ITIH6: variants seen among roughly 807,000 people sequenced by gnomAD.
ITIH6 encodes the protein inter-alpha-trypsin inhibitor heavy chain family member 6.
A neutral mutation model predicts 58.2 loss-of-function variants in ITIH6; 60 were observed. That is an observed-to-expected ratio of 1.03 (90% CI 0.84 to 1.28). The LOEUF (loss-of-function observed/expected upper bound fraction) is 1.28. Among genes scored for constraint, ITIH6 ranks in the 50% most tolerant of loss-of-function variants. ITIH6 has a pLI of 0.00. For synonymous variants in ITIH6, 493 were observed against 417.4 expected (o/e 1.18, Z -2.21); for missense variants, 1,290 against 1,021.1 (o/e 1.26, Z -3.59).
chrX:54,760,892 A>C (rs967237384), intron 6 of ITIH6, among the ~76,000 whole-genome samples: 6 of 111,857 alleles, frequency 5.4e-5, no homozygotes, highest in Non-Finnish European at 1.1e-4. Context: ...GTGCCACAAT[A>C]AACATACGTG....
Position 54,788,648 on chromosome X carries a change from AC to A in ITIH6, c.617del (p.Ser206MetfsTer85). The A allele has an allele frequency of 8.3e-7, 1 of 1,202,055 alleles. No homozygotes were observed. The highest frequency in any genetic ancestry group is 1.1e-6 in the Non-Finnish European group (1 of 887,495). On this transcript the variant is annotated frameshift_variant and splice_region_variant, in exon 5 of 13. Transcript: ENST00000218436. LOFTEE classifies it high-confidence loss of function. The part of the protein sequence containing the change: ...TGRLRTNAHA[S>X]EVDSPPSTRI... The stretch of plus-strand genomic sequence containing the variant: ...TGGTGGATGGGGGTGAATCCACCTC[AC>A]CTGTATGGGTGGGGAGGATCGGGGC...
intron 6 of ITIH6, among the ~76,000 whole-genome samples, chrX:54,761,908 C>A (rs1379075586): frequency 2.7e-5 from 3 of 111,716 alleles, no homozygotes; most frequent in Non-Finnish European, 5.6e-5. Context: ...TTAAGACTGA[C>A]TTGGCAATGT....
chrX:54,760,659 T>C (rs1928618241), intron 6 of ITIH6, among the ~76,000 whole-genome samples: 1 of 111,298 alleles, frequency 9.0e-6, no homozygotes. Flanking sequence ...CATTGTTCAA[T>C]TCCCACCTAT....
At position 54,758,692 on chromosome X, in the gene ITIH6, T is replaced by A; in HGVS notation, c.1382A>T (p.Gln461Leu). 1 of 1,211,526 alleles carries A rather than the reference T, an allele frequency of 8.3e-7. No homozygotes were observed. The highest frequency in any genetic ancestry group is 1.1e-6 in the Non-Finnish European group (1 of 895,386). The change falls in exon 8 of 13, where the codon CAG becomes CTG. Residue 461 changes from glutamine (Q) to leucine (L), a missense_variant. Physicochemically the swap from Gln to Leu is moderately radical, Grantham distance 113 (BLOSUM62 -2). Coordinates refer to ENST00000218436, the MANE Select transcript of ITIH6 (RefSeq NM_198510.3). ...GATCTCCTCATAGAGGCCCTTCAGCTGTAGGGCCGCATCAGTGTCCTCATA... is the reference window on the plus strand; with the variant it reads ...GATCTCCTCATAGAGGCCCTTCAGCAGTAGGGCCGCATCAGTGTCCTCATA... ...RIYEDTDAAL[Q>L]LKGLYEEISM...
chrX:54,791,768 A>T (rs1472462125), intron 3 of ITIH6, among the ~76,000 whole-genome samples, 158 bp downstream of exon 3: 2 of 112,117 alleles, frequency 1.8e-5, no homozygotes, highest in Non-Finnish European at 3.8e-5. Flanking sequence ...ACAGGCTTTG[A>T]TATTCATTAA....
chrX:54,766,108 A>G (rs958837091), intron 6 of ITIH6, among the ~76,000 whole-genome samples: 10 of 110,644 alleles, frequency 9.0e-5, no homozygotes, highest in Non-Finnish European at 1.9e-4. Flanking sequence ...GGTCCTTCAC[A>G]TCCCTTGTAA....
At chrX:54,782,994 C>G (rs1249969869) in intron 5 of ITIH6, among the ~76,000 whole-genome samples, 1 of 112,050 alleles carries the variant, frequency 8.9e-6, no homozygotes, top group Admixed American at 9.4e-5. Flanking sequence ...ATCATTATGA[C>G]CAAGTGGGAT....
At chrX:54,771,718 C>T (rs1337608222) in intron 6 of ITIH6, among the ~76,000 whole-genome samples, 2 of 111,253 alleles carry the variant, frequency 1.8e-5, no homozygotes, top group African/African-American at 6.6e-5. Flanking sequence ...TACATGTAGA[C>T]AACAAGCATA....
At chrX:54,769,974 C>T (rs1255741593) in intron 6 of ITIH6, among the ~76,000 whole-genome samples, 1 of 110,014 alleles carries the variant, frequency 9.1e-6, no homozygotes, top group Non-Finnish European at 1.9e-5. Flanking sequence ...GCCCCTCCCC[C>T]AGCCTTGCTG....
intron 2 of ITIH6, among the ~76,000 whole-genome samples, chrX:54,792,319 C>T (rs1929364988): frequency 9.0e-6 from 1 of 111,613 alleles, no homozygotes; most frequent in African/African-American, 3.3e-5. Flanking sequence ...CTTGTGTTTC[C>T]CAAAGTGTTG....
At chrX:54,774,428 G>A (rs1857824459) in intron 5 of ITIH6, among the ~76,000 whole-genome samples, 1 of 113,011 alleles carries the variant, frequency 8.8e-6, no homozygotes, top group South Asian at 3.6e-4. Flanking sequence ...AGCTGTGGAG[G>A]GAATGAGACT....
At chrX:54,784,843 G>A (rs766177507) in intron 5 of ITIH6, among the ~76,000 whole-genome samples, 4 of 111,734 alleles carry the variant, frequency 3.6e-5, no homozygotes, top group Middle Eastern at 4.6e-3. Flanking sequence ...CCACTTCTGG[G>A]TATATACCCC....
intron 5 of ITIH6, among the ~76,000 whole-genome samples, chrX:54,786,184 C>A (rs1929240509): frequency 8.9e-6 from 1 of 112,160 alleles, no homozygotes; most frequent in African/African-American, 3.2e-5. Flanking sequence ...GTGTTGCCTT[C>A]AATCCTCGGG....
chrX:54,792,565 T>C (rs1007165205), intron 2 of ITIH6, among the ~76,000 whole-genome samples: 1 of 111,114 alleles, frequency 9.0e-6, no homozygotes, highest in Admixed American at 9.6e-5. Context: ...TAAAAATATA[T>C]TAAGTAAATA....
intron 6 of ITIH6, among the ~76,000 whole-genome samples, chrX:54,761,130 T>C (rs1410635818): frequency 2.0e-4 from 22 of 112,117 alleles, no homozygotes; most frequent in African/African-American, 4.9e-4. Flanking sequence ...GATTGCCATT[T>C]TAACTGGTGT....
chrX:54,791,965 G>C lies in ITIH6; in HGVS notation c.329C>G (p.Ala110Gly). 1.7e-6 allele frequency: 2 copies of C among 1,203,543 alleles called. No individual in the cohort carries two copies. The highest frequency in any genetic ancestry group is 3.5e-5 in the South Asian group (2 of 56,766). ...KHQAKKIYEE[A>G]HQQGKTAAHV... ...AGCAGCTGTCTTTCCCTGCTGATGG[G>C]CTTCTTCATAGATTTTCTTTGCCTG... Residue 110 changes from alanine (A) to glycine (G), a missense_variant, in exon 3 of 13, where the codon GCC (alanine) becomes GGC (glycine). Coordinates refer to ENST00000218436, the MANE Select transcript of ITIH6 (RefSeq NM_198510.3).
chrX:54,770,042 G>A (rs1268537011), intron 6 of ITIH6, among the ~76,000 whole-genome samples: 7 of 111,765 alleles, frequency 6.3e-5, no homozygotes, highest in Non-Finnish European at 9.4e-5. Flanking sequence ...TTCCGTGGGC[G>A]TAGGACCCTC....
intron 9 of ITIH6, among the ~76,000 whole-genome samples, chrX:54,754,295 TAGGTAGAATTCTAAGATGGC>T (rs1209661530): frequency 4.5e-5 from 5 of 111,794 alleles, no homozygotes; most frequent in Non-Finnish European, 9.4e-5. Context: ...CTGCCTGTGG[TAGGTAGAATTCTAAGATGGC>T]CCACAGGATC....
chrX:54,792,195 GAGA>G (rs777620746), intron 2 of ITIH6, among the ~76,000 whole-genome samples, 159 bp from the exon 3 acceptor site: 1 of 111,304 alleles, frequency 9.0e-6, no homozygotes, highest in South Asian at 3.8e-4. Flanking sequence ...GCGGCAAGAA[GAGA>G]AGAAGAGGAA....
Sources: gnomAD v4.1 joint callset for allele counts (sites outside exome capture counted in the v4.1 genomes callset) on GRCh38, gnomAD v4.1.1 for gene constraint, MANE v1.5 for transcripts, NCBI Gene and HGNC (gene_info 2026-07-23, HGNC 2026-07-21) for gene names.